Variants in PTPRM observed in about 807,000 individuals in gnomAD.
The protein encoded by PTPRM is receptor-type tyrosine-protein phosphatase mu.
Under a neutral mutation model 186.7 loss-of-function variants are expected in PTPRM, and 47 were observed. The observed-to-expected ratio is 0.25, with a 90% CI of 0.20 to 0.32. The LOEUF (loss-of-function observed/expected upper bound fraction) is 0.32, where lower values mean the gene tolerates loss of function less well. Ranked by LOEUF, PTPRM falls within the 10% of genes least tolerant of loss-of-function variation. PTPRM has a pLI of 1.00. For synonymous variants in PTPRM, 668 were observed against 674.9 expected (o/e 0.99, Z 0.16); for missense variants, 1,494 against 1,865.0 (o/e 0.80, Z 3.66).
chr18:8,118,849 G>C (rs2092064528), intron 13 of PTPRM, among the ~76,000 whole-genome samples: 1 of 146,970 alleles, frequency 6.8e-6, no homozygotes, highest in Admixed American at 6.8e-5. Context: ...TTATACATGG[G>C]CTTTTTTTTT....
intron 2 of PTPRM, among the ~76,000 whole-genome samples, chr18:7,871,828 A>G (rs1461514887): frequency 6.6e-6 from 1 of 152,198 alleles, no homozygotes; most frequent in Non-Finnish European, 1.5e-5. Context: ...GGCTTGAGTT[A>G]TTATACTCAA....
chr18:7,602,905 AATTATTATTATT>A (rs71354561), intron 1 of PTPRM, among the ~76,000 whole-genome samples: 37 of 141,706 alleles, frequency 2.6e-4, no homozygotes, highest in East Asian at 6.1e-4. Flanking sequence ...ATGTATTTGG[AATTATTATTATT>A]ATTATTATTA....
chr18:7,658,365 C>CACAT (rs1568010861), intron 1 of PTPRM, among the ~76,000 whole-genome samples: 9 of 121,552 alleles, frequency 7.4e-5, no homozygotes, highest in African/African-American at 3.0e-4. Flanking sequence ...TATATACATA[C>CACAT]ACACACACAC....
intron 13 of PTPRM, among the ~76,000 whole-genome samples, chr18:8,125,998 TATATATATATATA>T (rs2092334579): frequency 1.3e-4 from 2 of 14,944 alleles, no homozygotes; most frequent in African/African-American, 2.6e-4. Context: ...TATATATATA[TATATATATATATA>T]TATATATATA....
At chr18:7,763,123 C>A (rs1008851031) in intron 1 of PTPRM, among the ~76,000 whole-genome samples, 3 of 152,176 alleles carry the variant, frequency 2.0e-5, no homozygotes, top group Non-Finnish European at 2.9e-5. Context: ...ATAAAGTCAT[C>A]CCCTGCACCC....
intron 14 of PTPRM, among the ~76,000 whole-genome samples, chr18:8,227,101 T>G (rs1199537633): frequency 2.0e-5 from 3 of 152,228 alleles, no homozygotes; most frequent in Non-Finnish European, 2.9e-5. Flanking sequence ...TGCCAAGTAA[T>G]GTACCAGATT....
At chr18:7,694,451 G>A (rs2039800216) in intron 1 of PTPRM, among the ~76,000 whole-genome samples, 1 of 128,672 alleles carries the variant, frequency 7.8e-6, no homozygotes, top group Non-Finnish European at 1.6e-5. Flanking sequence ...TTTTTCGACA[G>A]AGTCTCGCTC....
chr18:7,902,118 G>T (rs921684938), intron 3 of PTPRM, among the ~76,000 whole-genome samples: 7 of 152,150 alleles, frequency 4.6e-5, no homozygotes, highest in Non-Finnish European at 8.8e-5. Context: ...TCTTGACTCT[G>T]CAATTAGCTT....
intron 7 of PTPRM, among the ~76,000 whole-genome samples, chr18:8,055,488 A>G (rs2087856436): frequency 6.6e-6 from 1 of 152,210 alleles, no homozygotes; most frequent in South Asian, 2.1e-4. Flanking sequence ...TTTTATTTCT[A>G]AAAGTTACGT....
chr18:7,892,591 A>T (rs2049136297), intron 3 of PTPRM, among the ~76,000 whole-genome samples: 1 of 152,182 alleles, frequency 6.6e-6, no homozygotes, highest in Non-Finnish European at 1.5e-5. Context: ...TGCCAAATTA[A>T]GTTAGAAGTT....
chr18:7,677,183 G>A (rs1327596325), intron 1 of PTPRM, among the ~76,000 whole-genome samples: 1 of 152,060 alleles, frequency 6.6e-6, no homozygotes, highest in African/African-American at 2.4e-5. Flanking sequence ...GAATTGCTCT[G>A]GGCCACCTGA....
At chr18:8,108,529 A>G (rs2091621173) in intron 11 of PTPRM, among the ~76,000 whole-genome samples, 1 of 152,238 alleles carries the variant, frequency 6.6e-6, no homozygotes, top group African/African-American at 2.4e-5. Flanking sequence ...TCACATATGT[A>G]TGAGGCTTCC....
chr18:8,059,146 G>A (rs1184702706), intron 7 of PTPRM, among the ~76,000 whole-genome samples: 1 of 151,490 alleles, frequency 6.6e-6, no homozygotes, highest in Non-Finnish European at 1.5e-5. Flanking sequence ...GCGGTTTGCA[G>A]TTCTCCTTGA....
chr18:7,754,454 C>T lies in PTPRM; in HGVS notation c.74-19695C>T, dbSNP rs140381089. 8.5e-5 allele frequency among the ~76,000 whole-genome samples: 13 copies of T among 152,256 alleles called. No homozygotes were observed. The East Asian group carries it at 1.9e-3, about 23-fold the overall frequency. On this transcript the variant is annotated intron_variant, in intron 1 of 32. Transcript: ENST00000580170. ...AGTATGTGAAGAGTAAACCAACAGA[C>T]ACCAGGATTATTCACCATAGGCCAG...
Position 8,284,367 on chromosome 18 carries a change from A to G in PTPRM, c.2755-12001A>G, listed in dbSNP as rs183814627. The stretch of plus-strand genomic sequence containing the variant: ...AACTGGGGCCAGCTCTTCATTTTTC[A>G]AAGCATCAACAGATTCTAAATACAA... On this transcript the variant is annotated intron_variant, in intron 19 of 32. Transcript: ENST00000580170. Among the ~76,000 whole-genome samples the G allele has an allele frequency of 3.3e-5, 5 of 152,306 alleles. No individual in the cohort carries two copies. In the East Asian group the frequency reaches 9.6e-4, roughly 29 times the overall value.
At chr18:7,662,590 G>A (rs2039005069) in intron 1 of PTPRM, among the ~76,000 whole-genome samples, 1 of 151,976 alleles carries the variant, frequency 6.6e-6, no homozygotes, top group Non-Finnish European at 1.5e-5. Flanking sequence ...TGGGGAAAGA[G>A]GGAGGGTTAA....
chr18:7,990,333 G>A (rs1400895532), intron 7 of PTPRM, among the ~76,000 whole-genome samples: 1 of 152,144 alleles, frequency 6.6e-6, no homozygotes, highest in African/African-American at 2.4e-5. Context: ...TGCGCTAAGT[G>A]TGTTCTGTGG....
intron 1 of PTPRM, among the ~76,000 whole-genome samples, chr18:7,743,222 A>G (rs773650448): frequency 6.6e-6 from 1 of 152,318 alleles, no homozygotes; most frequent in African/African-American, 2.4e-5. Flanking sequence ...CCTAATTTTT[A>G]TCAGCTACCA....
At chr18:7,904,190 A>G (rs932416997) in intron 3 of PTPRM, among the ~76,000 whole-genome samples, 2 of 152,218 alleles carry the variant, frequency 1.3e-5, no homozygotes, top group Non-Finnish European at 2.9e-5. Flanking sequence ...AGTAAGAAAA[A>G]AGATATTCTT....
Sources: gnomAD v4.1 joint callset for allele counts (sites outside exome capture counted in the v4.1 genomes callset) on GRCh38, gnomAD v4.1.1 for gene constraint, MANE v1.5 for transcripts, NCBI Gene and HGNC (gene_info 2026-07-23, HGNC 2026-07-21) for gene names.